The following ANKS1A variants were observed in gnomAD, a reference collection of about 807,000 sequenced individuals.
ANKS1A encodes ankyrin repeat and SAM domain-containing protein 1A.
Under a neutral mutation model 120.3 loss-of-function variants are expected in ANKS1A, and 55 were observed. The observed-to-expected ratio is 0.46, with a 90% confidence interval of 0.37 to 0.57. ANKS1A has a LOEUF of 0.57. Among genes scored for constraint, ANKS1A ranks in the 20% least tolerant of loss-of-function variants. The pLI is 0.00. For missense variants in ANKS1A, 1,123 were observed against 1,480.3 expected (o/e 0.76, Z 3.96); for synonymous variants, 590 against 604.7 (o/e 0.98, Z 0.36).
At chr6:35,038,668 T>C (rs1364152403) in intron 11 of ANKS1A, among the ~76,000 whole-genome samples, 3 of 152,036 alleles carry the variant, frequency 2.0e-5, no homozygotes, top group Non-Finnish European at 4.4e-5. Flanking sequence ...TGTTTTTTTG[T>C]AGAGACAGGG....
At chr6:35,002,607 G>A (rs1017107465) in intron 10 of ANKS1A, among the ~76,000 whole-genome samples, 1 of 152,068 alleles carries the variant, frequency 6.6e-6, no homozygotes, top group Non-Finnish European at 1.5e-5. Context: ...TCCAAGGTAT[G>A]TAGCCCAGTC....
intron 17 of ANKS1A, 105 bp downstream of exon 17, chr6:35,081,263 C>T: frequency 7.1e-7 from 1 of 1,401,548 alleles, no homozygotes; most frequent in South Asian, 1.5e-5. Flanking sequence ...CACAGTTGGG[C>T]TGGCACCAGA....
At chr6:34,954,122 G>A (rs1000293598) in intron 1 of ANKS1A, among the ~76,000 whole-genome samples, 1 of 152,154 alleles carries the variant, frequency 6.6e-6, no homozygotes, top group African/African-American at 2.4e-5. Context: ...TGTCCACTTT[G>A]TGGTGGTGTG....
chr6:35,076,623 T>G (rs1042863931), intron 13 of ANKS1A, among the ~76,000 whole-genome samples: 1 of 152,010 alleles, frequency 6.6e-6, no homozygotes, highest in African/African-American at 2.4e-5. Flanking sequence ...CCAATTTTGT[T>G]TTGTTTGGTT....
chr6:35,013,218 C>A (rs1318618017), intron 10 of ANKS1A, among the ~76,000 whole-genome samples: 1 of 152,164 alleles, frequency 6.6e-6, no homozygotes, highest in Non-Finnish European at 1.5e-5. Context: ...TCAGGCTTTC[C>A]TTTTTGTCTG....
chr6:34,962,615 A>G (rs1047374654), intron 1 of ANKS1A, among the ~76,000 whole-genome samples: 3 of 151,724 alleles, frequency 2.0e-5, no homozygotes, highest in African/African-American at 7.3e-5. Context: ...GTGAAACCCC[A>G]TCTCTACTAA....
intron 1 of ANKS1A, among the ~76,000 whole-genome samples, chr6:34,944,710 A>G (rs186490168): frequency 6.6e-6 from 1 of 152,318 alleles, no homozygotes; most frequent in East Asian, 1.9e-4. Context: ...CCCTCTGAAT[A>G]TGCAGGTTTT....
In ANKS1A at chr6:35,089,792, A is replaced by T; in HGVS notation, c.*1183A>T. ...TCCCTCTGGACTAGAGTAGAAATGC[A>T]GGGGAAACTGCTGTGGATTTGAGAG... On this transcript the variant is annotated 3_prime_UTR_variant, in exon 24 of 24. Coordinates refer to ENST00000360359, the MANE Select transcript of ANKS1A (RefSeq NM_015245.3). 9.8e-7 allele frequency: 1 copy of T among 1,022,930 alleles called. No homozygotes were observed. Among genetic ancestry groups the T allele is most frequent in the Non-Finnish European group, 1.2e-6 (1 of 853,436 alleles). The allele number at this position is 1,022,930 out of a possible 1,614,324, so 63.4% of individuals were successfully genotyped here.
Position 34,997,532 on chromosome 6 carries a change from G to A in ANKS1A, c.1423+3110G>A, listed in dbSNP as rs562394463. On this transcript the variant is annotated intron_variant, in intron 10 of 23. Coordinates refer to ENST00000360359, the MANE Select transcript of ANKS1A (RefSeq NM_015245.3). ...TTTTTAATTAAAACATTTAGAAAAGGTGAAGTAGAACACTAATGCCCTCTC... is the reference window on the plus strand; with the variant it reads ...TTTTTAATTAAAACATTTAGAAAAGATGAAGTAGAACACTAATGCCCTCTC... 1.1e-3 allele frequency among the ~76,000 whole-genome samples: 160 copies of A among 152,218 alleles called. 2 individuals carry two copies. Among genetic ancestry groups the A allele is most frequent in the Admixed American group, 0.01 (157 of 15,278 alleles).
At chr6:35,009,630 C>T (rs148593701) in intron 10 of ANKS1A, among the ~76,000 whole-genome samples, 9 of 151,782 alleles carry the variant, frequency 5.9e-5, no homozygotes, top group East Asian at 3.9e-4. Flanking sequence ...AGGCTGGGCG[C>T]GGTGGATCTT....
intron 1 of ANKS1A, among the ~76,000 whole-genome samples, chr6:34,903,530 G>T (rs1767474905): frequency 6.6e-6 from 1 of 151,716 alleles, no homozygotes; most frequent in Non-Finnish European, 1.5e-5. Flanking sequence ...ACAGAGTCTC[G>T]CTCTGTTGCC....
intron 1 of ANKS1A, among the ~76,000 whole-genome samples, chr6:34,928,279 G>A (rs1475420259): frequency 6.6e-6 from 1 of 152,120 alleles, no homozygotes; most frequent in African/African-American, 2.4e-5. Context: ...CAGCACAGTG[G>A]AAGAAGAGAG....
chr6:35,068,294 G>A (rs919568291), intron 13 of ANKS1A, among the ~76,000 whole-genome samples: 6 of 151,926 alleles, frequency 3.9e-5, no homozygotes, highest in South Asian at 2.1e-4. Flanking sequence ...AATCCATCAC[G>A]TTCTTAGAGA....
At chr6:35,083,321 C>G (rs781252840) in intron 19 of ANKS1A, 95 bp downstream of exon 19, 2 of 1,594,344 alleles carry the variant, frequency 1.3e-6, no homozygotes, top group Admixed American at 1.7e-5. Context: ...CCCTGCTGCA[C>G]TATGTAAGGA....
chr6:34,926,392 G>C (rs1415880909), intron 1 of ANKS1A, among the ~76,000 whole-genome samples: 1 of 152,040 alleles, frequency 6.6e-6, no homozygotes, highest in East Asian at 1.9e-4. Context: ...CCTGTGATGG[G>C]GTGTGTTTAA....
intron 8 of ANKS1A, 132 bp downstream of exon 8, chr6:34,985,410 C>T: frequency 3.6e-6 from 3 of 831,492 alleles, no homozygotes; most frequent in Non-Finnish European, 5.5e-6. Flanking sequence ...CCCACTTATT[C>T]TCTTCTTCAT....
chr6:34,967,975 A>G (rs573611971), intron 2 of ANKS1A, among the ~76,000 whole-genome samples: 2 of 152,154 alleles, frequency 1.3e-5, no homozygotes, highest in African/African-American at 4.8e-5. Flanking sequence ...GCTGGAATCT[A>G]TTAGGTAACT....
chr6:34,934,025 G>A (rs566025638), intron 1 of ANKS1A, among the ~76,000 whole-genome samples: 2 of 152,312 alleles, frequency 1.3e-5, no homozygotes, highest in South Asian at 2.1e-4. Context: ...AACTGTGTAC[G>A]TTGGAGAATT....
At position 34,982,038 on chromosome 6, in the gene ANKS1A, C is replaced by T. The variant is rs750824902; in HGVS notation, c.732+52C>T. ...AATCTCAAGAGACTCAGTCATTTTGCAGAAGGCACAAGGACCATGCTGCTG... is the reference window on the plus strand; with the variant it reads ...AATCTCAAGAGACTCAGTCATTTTGTAGAAGGCACAAGGACCATGCTGCTG... On this transcript the variant is annotated intron_variant, in intron 4 of 23. Coordinates refer to ENST00000360359, the MANE Select transcript of ANKS1A (RefSeq NM_015245.3). This position sits in a 1 kb window ranked among gnomAD's most constrained non-coding sequence, Gnocchi z 4.9. 1.3e-6 allele frequency: 2 copies of T among 1,593,202 alleles called. No homozygotes were observed. The highest frequency in any genetic ancestry group is 2.2e-5 in the East Asian group (1 of 44,688).
Sources: allele counts gnomAD v4.1 joint callset (sites outside exome capture counted in the v4.1 genomes callset), GRCh38; gene constraint gnomAD v4.1.1; non-coding constraint Gnocchi (gnomAD v3.1); transcripts MANE v1.5; gene names NCBI Gene and HGNC (gene_info 2026-07-23, HGNC 2026-07-21).